The following CDK14 variants were observed in gnomAD, a reference collection of about 807,000 sequenced individuals.
The protein encoded by CDK14 is cyclin-dependent kinase 14.
CDK14 carries 34 observed loss-of-function variants against 60.7 expected under a neutral mutation model. The observed-to-expected ratio is 0.56, with a 90% CI of 0.43 to 0.75. The LOEUF (loss-of-function observed/expected upper bound fraction) is 0.75, where lower values mean the gene tolerates loss of function less well. Among genes scored for constraint, CDK14 ranks in the 30% least tolerant of loss-of-function variants. The pLI is 0.00. For missense variants in CDK14, 482 were observed against 564.1 expected (o/e 0.85, Z 1.47); for synonymous variants, 197 against 203.7 (o/e 0.97, Z 0.28).
chr7:90,734,831 C>A (rs961237585), intron 3 of CDK14, among the ~76,000 whole-genome samples: 1 of 152,102 alleles, frequency 6.6e-6, no homozygotes, highest in African/African-American at 2.4e-5. Flanking sequence ...CAAACTCATT[C>A]TCCGTCTGGT....
intron 10 of CDK14, among the ~76,000 whole-genome samples, chr7:91,036,652 A>G (rs1243428270): frequency 6.6e-6 from 1 of 152,136 alleles, no homozygotes; most frequent in African/African-American, 2.4e-5. Context: ...ATTAGTAACT[A>G]CATTTTTCTT....
At chr7:91,128,244 T>C (rs1003581530) in intron 14 of CDK14, among the ~76,000 whole-genome samples, 2 of 152,220 alleles carry the variant, frequency 1.3e-5, no homozygotes, top group African/African-American at 4.8e-5. Flanking sequence ...TGCTGTGTAA[T>C]GTGAATAGGA....
chr7:90,601,276 T>C (rs1031605389), intron 1 of CDK14, among the ~76,000 whole-genome samples: 5 of 152,250 alleles, frequency 3.3e-5, no homozygotes, highest in African/African-American at 9.6e-5. Context: ...AATCAGGGAA[T>C]GTAATCAATA....
intron 6 of CDK14, among the ~76,000 whole-genome samples, chr7:90,896,538 A>G (rs1792343324): frequency 6.6e-6 from 1 of 152,182 alleles, no homozygotes; most frequent in Admixed American, 6.5e-5. Flanking sequence ...GGCATTAAAA[A>G]AAAACCTTAC....
In CDK14 at chr7:91,184,204, T is replaced by TAA. The variant is rs59565390; in HGVS notation, c.*29-22941_*29-22940dup. ...TGGGTGACAGAGTGAGGCTCCGTCT[T>TAA]AAAAAAAAAAAAAAAAAAAAATTAG... On this transcript the variant is annotated intron_variant, in intron 14 of 14. Transcript: ENST00000380050. 1.6e-3 allele frequency among the ~76,000 whole-genome samples: 59 copies of TAA among 36,664 alleles called. 1 individual carries two copies. The highest frequency in any genetic ancestry group is 4.9e-3 in the African/African-American group (39 of 7,960). 24.1% of individuals were successfully genotyped at this position (36,664 alleles called of 152,430 possible).
intron 1 of CDK14, among the ~76,000 whole-genome samples, chr7:90,599,804 G>A (rs767561986): frequency 1.3e-5 from 2 of 152,182 alleles, no homozygotes; most frequent in African/African-American, 2.4e-5. Context: ...GTTGTATGGT[G>A]AAATGTACAA....
At chr7:90,600,257 A>T (rs1799287050) in intron 1 of CDK14, among the ~76,000 whole-genome samples, 1 of 152,224 alleles carries the variant, frequency 6.6e-6, no homozygotes, top group Admixed American at 6.5e-5. Context: ...GCTAACAAAG[A>T]CAAATGGGAA....
chr7:90,702,740 G>A (rs989646509), intron 2 of CDK14, among the ~76,000 whole-genome samples: 3 of 152,108 alleles, frequency 2.0e-5, no homozygotes, highest in Non-Finnish European at 4.4e-5. Context: ...GACAAAAGAA[G>A]TATATTACTT....
At chr7:90,779,061 G>A (rs544519660) in intron 4 of CDK14, among the ~76,000 whole-genome samples, 1 of 152,068 alleles carries the variant, frequency 6.6e-6, no homozygotes, top group East Asian at 1.9e-4. Flanking sequence ...AGACCAGCCT[G>A]GCCAACATGG....
chr7:90,700,242 C>T (rs918226893), intron 2 of CDK14, among the ~76,000 whole-genome samples: 1 of 152,100 alleles, frequency 6.6e-6, no homozygotes, highest in Non-Finnish European at 1.5e-5. Flanking sequence ...TTTAGGCATG[C>T]ACCACCATGC....
intron 5 of CDK14, 63 bp downstream of exon 5, chr7:90,790,715 A>G (rs1482613605): frequency 6.0e-6 from 6 of 993,574 alleles, no homozygotes; most frequent in East Asian, 2.4e-5. Context: ...CTATTTTAAT[A>G]TTATACACCT....
intron 11 of CDK14, among the ~76,000 whole-genome samples, chr7:91,054,773 A>G (rs2116072016): frequency 6.6e-6 from 1 of 152,288 alleles, no homozygotes; most frequent in Non-Finnish European, 1.5e-5. Flanking sequence ...CTCACATGCT[A>G]GAGAGGGGAC....
At chr7:91,011,248 A>T (rs1038947513) in intron 10 of CDK14, among the ~76,000 whole-genome samples, 11 of 152,098 alleles carry the variant, frequency 7.2e-5, no homozygotes, top group African/African-American at 2.4e-4. Context: ...CTGAGGCATG[A>T]TACTAGGTGA....
intron 5 of CDK14, among the ~76,000 whole-genome samples, chr7:90,841,551 G>A (rs982436591): frequency 5.9e-5 from 9 of 151,270 alleles, no homozygotes; most frequent in African/African-American, 1.7e-4. Context: ...CTCCTTTTTT[G>A]TTAGTTGCCC....
chr7:91,081,265 A>G (rs1296002042), intron 12 of CDK14, among the ~76,000 whole-genome samples: 1 of 152,204 alleles, frequency 6.6e-6, no homozygotes, highest in East Asian at 1.9e-4. Context: ...CATCATCAGC[A>G]TTTCAGCATC....
rs1262276208 is a variant in CDK14 at position 91,058,370 on chromosome 7, C to T, written c.1105+12410C>T. Among the ~76,000 whole-genome samples, 12 of 152,174 alleles carry T rather than the reference C, an allele frequency of 7.9e-5. No homozygotes were observed. The East Asian group carries it at 2.3e-3, about 29-fold the overall frequency. On this transcript the variant is annotated intron_variant, in intron 11 of 14. Transcript: ENST00000380050. The stretch of plus-strand genomic sequence containing the variant: ...TCTGCAAACAGGGACAATTTGGCTT[C>T]CTCTTTTCCTAATTGAATACCCTTT...
chr7:91,192,530 G>A (rs184012618), intron 14 of CDK14, among the ~76,000 whole-genome samples: 16 of 152,222 alleles, frequency 1.1e-4, no homozygotes, highest in Non-Finnish European at 1.8e-4. Flanking sequence ...TTCTGAGAGG[G>A]AACTTATGGG....
intron 5 of CDK14, among the ~76,000 whole-genome samples, chr7:90,803,339 A>C (rs73707890): frequency 0.014 from 2,069 of 152,250 alleles, 40 homozygotes; most frequent in African/African-American, 0.046. Flanking sequence ...AGTGTTAGAG[A>C]GACAAAAAGG....
chr7:90,689,374 G>T lies in CDK14; in HGVS notation c.124-37193G>T, dbSNP rs886214497. 2.6e-5 allele frequency among the ~76,000 whole-genome samples: 4 copies of T among 152,100 alleles called. No individual in the cohort carries two copies. The East Asian group carries it at 7.7e-4, about 29-fold the overall frequency. On this transcript the variant is annotated intron_variant, in intron 2 of 14. Coordinates refer to ENST00000380050, the MANE Select transcript of CDK14 (RefSeq NM_001287135.2). Reference sequence around the variant, plus strand: ...TTATCACCAGGGTCCTTTGTTTTATGTATGGACTGAAGGGCTATTCAGGGA... The same window carrying T: ...TTATCACCAGGGTCCTTTGTTTTATTTATGGACTGAAGGGCTATTCAGGGA...
Sources: allele counts gnomAD v4.1 joint callset (sites outside exome capture counted in the v4.1 genomes callset), GRCh38; gene constraint gnomAD v4.1.1; transcripts MANE v1.5; gene names NCBI Gene and HGNC (gene_info 2026-07-23, HGNC 2026-07-21).